LRRC24: variants seen among roughly 807,000 people sequenced by gnomAD.
LRRC24 encodes the protein leucine-rich repeat-containing protein 24.
LRRC24 carries 19 observed loss-of-function variants against 15.3 expected under a neutral mutation model. That is an observed-to-expected ratio of 1.25 (90% CI 0.87 to 1.83). The LOEUF (loss-of-function observed/expected upper bound fraction) is 1.83. Ranked by LOEUF, LRRC24 falls within the 40% of genes most tolerant of loss-of-function variation. LRRC24 has a pLI of 0.00. For missense variants in LRRC24, 914 were observed against 723.9 expected, an observed-to-expected ratio of 1.26 and a Z score of -3.01; for synonymous variants, 469 against 359.6, an observed-to-expected ratio of 1.30 and a Z score of -3.44.
Position 144,524,820 on chromosome 8 carries a change from G to T in LRRC24, c.155C>A (p.Thr52Lys). Residue 52 changes from threonine to lysine, a missense_variant, in exon 2 of 5, where the codon ACG becomes AAG. Physicochemically the swap from Thr to Lys is moderately conservative, Grantham distance 78. Transcript: ENST00000529415. The stretch of plus-strand genomic sequence containing the variant: ...GCAGCTCCACACGGTGCCCACCTGC[G>T]TCCCTGGCGGGATTCCCAGCGGGAC... ...RVVPLGIPPG[T>K]QTLFLQDNNI... 1 of 1,466,684 alleles carries T rather than the reference G, an allele frequency of 6.8e-7. No individual in the cohort carries two copies. The highest frequency in any genetic ancestry group is 2.6e-5 in the East Asian group (1 of 39,068). The allele number at this position is 1,466,684 out of a possible 1,614,324, so 90.9% of individuals were successfully genotyped here.
At position 144,524,237 on chromosome 8, in the gene LRRC24, C is replaced by T. The variant is rs1488421821; in HGVS notation, c.480G>A (p.Leu160=). ...ELHLQENSIE[L]LEDQALAGLS... ...GCCCCGCTAGAGCCTGGTCCTCCAG[C>T]AGCTCAATGCTGTTTTCTTGCAGGT... Residue 160 remains leucine (L), a synonymous_variant, in exon 4 of 5, where the codon CTG becomes CTA. Coordinates refer to ENST00000529415, the MANE Select transcript of LRRC24 (RefSeq NM_001024678.4). The T allele has an allele frequency of 1.9e-6, 3 of 1,612,504 alleles. No individual in the cohort carries two copies. The African/African-American group carries it at 4.0e-5, about 22-fold the overall frequency.
chr8:144,523,300 G>A lies in LRRC24; in HGVS notation c.717C>T (p.Pro239=). The A allele has an allele frequency of 4.3e-6, 7 of 1,611,060 alleles. No individual in the cohort carries two copies. Among genetic ancestry groups the A allele is most frequent in the Non-Finnish European group, 5.9e-6 (7 of 1,179,268 alleles). ...SRDRKIMCAE[P]PRLALQSLLD... ...GGAGACTCTGGAGCGCCAGGCGCGGGGGCTCTGCACACATGATCTTCCTGT... is the reference window on the plus strand; with the variant it reads ...GGAGACTCTGGAGCGCCAGGCGCGGAGGCTCTGCACACATGATCTTCCTGT... Residue 239 remains proline, a synonymous_variant, in exon 5 of 5, where the codon CCC becomes CCT. Coordinates refer to ENST00000529415, the MANE Select transcript of LRRC24 (RefSeq NM_001024678.4).
rs369217339 is a variant in LRRC24, at chr8:144,522,742, G to A, written c.1275C>T (p.Ile425=). Residue 425 remains isoleucine, a synonymous_variant, in exon 5 of 5, where the codon ATC becomes ATT. Transcript: ENST00000529415. ...TTTTTCGCCTGCGGCGCCGGCGACA[G>A]ATCATGGCGACCAGGAGCAGCGCCG... The part of the protein sequence containing the change: ...ALTALLLVAM[I]CRRRRRRKKA... 27 of 1,588,632 alleles carry A rather than the reference G, an allele frequency of 1.7e-5. No individual in the cohort carries two copies. The Admixed American group carries it at 4.2e-4, about 25-fold the overall frequency.
In LRRC24 at chr8:144,522,405, T is replaced by C; in HGVS notation, c.*70A>G. 1 of 1,368,990 alleles carries C rather than the reference T, an allele frequency of 7.3e-7. No homozygotes were observed. The highest frequency in any genetic ancestry group is 9.4e-7 in the Non-Finnish European group (1 of 1,068,652). The allele number at this position is 1,368,990 out of a possible 1,614,324, so 84.8% of individuals were successfully genotyped here. On this transcript the variant is annotated 3_prime_UTR_variant, in exon 5 of 5. Transcript: ENST00000529415. ...GCGCACACTGCGCGGCTTCCACCTT[T>C]ACTGACGGAGCATGCGCGAGGCCGC...
Position 144,522,937 on chromosome 8 carries a change from G to A in LRRC24, c.1080C>T (p.Leu360=). Residue 360 remains leucine, a synonymous_variant, in exon 5 of 5, where the codon CTC becomes CTT. Transcript: ENST00000529415. ...AGGAARVPFR[L]LVNASRQQPQ... is the part of the protein sequence containing the mutation. Reference sequence around the variant, plus strand: ...GCTGCTGCCGGGACGCGTTGACCAGGAGCCGGAAGGGCACGCGGGCAGCGC... The same window carrying A: ...GCTGCTGCCGGGACGCGTTGACCAGAAGCCGGAAGGGCACGCGGGCAGCGC... 4 of 1,547,018 alleles carry A rather than the reference G, an allele frequency of 2.6e-6. No individual in the cohort carries two copies. The highest frequency in any genetic ancestry group is 3.5e-6 in the Non-Finnish European group (4 of 1,156,222).
chr8:144,523,635 G>A, intron 4 of LRRC24: 1 of 556,734 alleles, frequency 1.8e-6, no homozygotes. Context: ...GCCTGTTACA[G>A]ATCACTTCTC....
Position 144,523,369 on chromosome 8 carries a change from A to C in LRRC24, c.648T>G (p.Gly216=), listed in dbSNP as rs2620651. Residue 216 remains glycine (G), a synonymous_variant, in exon 5 of 5, where the codon GGT becomes GGG. Transcript: ENST00000529415. ...GCTGGCCGCCCTCCTTGATCCAGGC[A>C]CCCAGCCAGTGCAGGGCGCAGTCAC... The part of the protein sequence containing the change: ...WRCDCALHWL[G]AWIKEGGQRL... 36,664 of 1,572,444 alleles carry C rather than the reference A, an allele frequency of 0.023. 5,608 individuals carry two copies. The African/African-American group carries it at 0.38, about 16-fold the overall frequency.
chr8:144,525,696 AAAT>A lies in LRRC24; in HGVS notation c.-59-666_-59-664del, dbSNP rs1366311995. 2.6e-5 allele frequency: 4 copies of A among 152,298 alleles called. No individual in the cohort carries two copies. In the South Asian group the frequency reaches 8.3e-4, roughly 32 times the overall value. The allele number at this position is 152,298 out of a possible 1,614,324, so 9.4% of individuals were successfully genotyped here. On this transcript the variant is annotated intron_variant, in intron 1 of 4. Coordinates refer to ENST00000529415, the MANE Select transcript of LRRC24 (RefSeq NM_001024678.4). Reference sequence around the variant, plus strand: ...CTGTCAGAGAATTGGGGGATGAGAAAAATAATAGGAAATTCGGTTCAGGAGCCA... The same window carrying A: ...CTGTCAGAGAATTGGGGGATGAGAAAAATAGGAAATTCGGTTCAGGAGCCA...
At chr8:144,523,562 C>G in intron 4 of LRRC24, 153 bp from the exon 5 acceptor site, 2 of 1,266,708 alleles carry the variant, frequency 1.6e-6, no homozygotes, top group South Asian at 2.1e-5. Flanking sequence ...TCCTTGACCC[C>G]AAGCTCCTTG....
In LRRC24 at chr8:144,523,398, G is replaced by A. The variant is rs755239098; in HGVS notation, c.619C>T (p.Arg207Cys). Residue 207 changes from arginine (R) to cysteine (C), a missense_variant, in exon 5 of 5, where the codon CGC (arginine) becomes TGC (cysteine). Arg to Cys is a radical substitution (Grantham distance 180). Transcript: ENST00000529415. ...QVLRLTENPW[R>C]CDCALHWLGA... ...AGCCAGTGCAGGGCGCAGTCACAGC[G>A]CCATGGGTTCTCTGTGGGAGAGCAG... 6.5e-7 allele frequency: 1 copy of A among 1,533,838 alleles called. No homozygotes were observed. The highest frequency in any genetic ancestry group is 1.3e-5 in the South Asian group (1 of 78,562).
Position 144,525,425 on chromosome 8 carries a change from G to GTA in LRRC24, c.-59-394_-59-393dup, listed in dbSNP as rs1221989077. 2.6e-5 allele frequency among the ~76,000 whole-genome samples: 4 copies of GTA among 152,340 alleles called. No individual in the cohort carries two copies. In the East Asian group the frequency reaches 7.7e-4, roughly 29 times the overall value. On this transcript the variant is annotated intron_variant, in intron 1 of 4. Transcript: ENST00000529415. ...GGGTGCAAGAAGCTGGAAGTACAGGGTATGGCTTGAGAACTTTGCTTAGGT... is the reference window on the plus strand; with the variant it reads ...GGGTGCAAGAAGCTGGAAGTACAGGGTATATGGCTTGAGAACTTTGCTTAGGT...
intron 1 of LRRC24, chr8:144,525,307 C>T (rs1816323439): frequency 4.7e-6 from 1 of 212,936 alleles, no homozygotes; most frequent in Non-Finnish European, 9.2e-6. Flanking sequence ...CACCCATGCC[C>T]AGCAGGTCAG....
chr8:144,524,159 G>A lies in LRRC24; in HGVS notation c.558C>T (p.Ser186=). Residue 186 remains serine, a synonymous_variant, in exon 4 of 5, where the codon AGC becomes AGT. Transcript: ENST00000529415. Reference sequence around the variant, plus strand: ...TGGCCAGGGGCTGCAGGGCCTCTCGGCTGATGGTGCCCAGCTGGTTCCTGC... The same window carrying A: ...TGGCCAGGGGCTGCAGGGCCTCTCGACTGATGGTGCCCAGCTGGTTCCTGC... ...DLSRNQLGTI[S]REALQPLASL... 1 of 1,610,248 alleles carries A rather than the reference G, an allele frequency of 6.2e-7. No homozygotes were observed. Among genetic ancestry groups the A allele is most frequent in the Non-Finnish European group, 8.5e-7 (1 of 1,178,116 alleles).
intron 4 of LRRC24, chr8:144,523,684 C>T (rs758507515): frequency 6.8e-6 from 3 of 442,494 alleles, no homozygotes; most frequent in Non-Finnish European, 1.2e-5. Flanking sequence ...TTAAGTCTTC[C>T]TGCAACAAGT....
chr8:144,523,690 C>G (rs902452957), intron 4 of LRRC24: 2 of 434,194 alleles, frequency 4.6e-6, no homozygotes, highest in Non-Finnish European at 8.0e-6. Context: ...CTTCCTGCAA[C>G]AAGTGCCACT....
At chr8:144,524,399 C>T (rs1816269022) in intron 3 of LRRC24, 42 bp downstream of exon 3, 1 of 1,595,226 alleles carries the variant, frequency 6.3e-7, no homozygotes. Flanking sequence ...GGGCGAGGGG[C>T]CATAATGGAG....
At chr8:144,525,533 G>T (rs981158758) in intron 1 of LRRC24, among the ~76,000 whole-genome samples, 4 of 152,218 alleles carry the variant, frequency 2.6e-5, no homozygotes. Context: ...TTGTTATCCT[G>T]TGGGGGCCTG....
rs1344545733 is a variant in LRRC24, at chr8:144,524,957, G to A, written c.18C>T (p.Pro6=). The change falls in exon 2 of 5, where the codon CCC becomes CCT. Residue 6 remains proline, a synonymous_variant. Transcript: ENST00000529415. The stretch of plus-strand genomic sequence containing the variant: ...GTAGCAGCAGCAGCGGCAGCAGTGC[G>A]GGGGCCCTCAGGGCCATCTCCCGAG... The part of the protein sequence containing the change: MALRA[P]ALLPLLLLLL... 1.5e-5 allele frequency: 22 copies of A among 1,485,734 alleles called. No individual in the cohort carries two copies. In the Admixed American group the frequency reaches 3.2e-4, roughly 21 times the overall value. 92.0% of individuals were successfully genotyped at this position (1,485,734 alleles called of 1,614,324 possible).
intron 2 of LRRC24, 40 bp downstream of exon 2, chr8:144,524,775 TG>T: frequency 1.4e-6 from 2 of 1,436,530 alleles, no homozygotes; most frequent in Non-Finnish European, 9.1e-7. Context: ...TTCCTCTCCC[TG>T]GGGGCACCCC....
Sources: gnomAD v4.1 joint callset for allele counts (sites outside exome capture counted in the v4.1 genomes callset) on GRCh38, gnomAD v4.1.1 for gene constraint, MANE v1.5 for transcripts, NCBI Gene and HGNC (gene_info 2026-07-23, HGNC 2026-07-21) for gene names.